IGFBPL1: variants seen among roughly 807,000 people sequenced by gnomAD.
IGFBPL1 encodes the protein insulin-like growth factor-binding protein-like 1.
A neutral mutation model predicts 23.9 loss-of-function variants in IGFBPL1; 20 were observed. The ratio of observed to expected loss-of-function variants is 0.84; its 90% CI spans 0.59 to 1.22. IGFBPL1 has a LOEUF of 1.22. Ranked by LOEUF, IGFBPL1 falls within the 50% of genes most tolerant of loss-of-function variation. The probability of loss-of-function intolerance (pLI) is 0.00; values close to 1 mark genes in which losing one functional copy is unlikely to be tolerated. For missense variants in IGFBPL1, 436 were observed against 379.3 expected (o/e 1.15, Z -1.24); for synonymous variants, 184 against 171.8 (o/e 1.07, Z -0.56).
intron 1 of IGFBPL1, among the ~76,000 whole-genome samples, chr9:38,423,081 G>A (rs1030790701): frequency 6.6e-6 from 1 of 152,258 alleles, no homozygotes; most frequent in East Asian, 1.9e-4. Context: ...AGTACACAGC[G>A]GCACTTCAAA....
At chr9:38,414,400 T>C (rs1038427387) in intron 1 of IGFBPL1, among the ~76,000 whole-genome samples, 197 bp from the exon 2 acceptor site, 2 of 152,156 alleles carry the variant, frequency 1.3e-5, no homozygotes. Flanking sequence ...GATCCAATGA[T>C]TGTTTTACCA....
At chr9:38,413,130 A>C (rs558392990) in intron 3 of IGFBPL1, 107 bp downstream of exon 3, 21 of 763,522 alleles carry the variant, frequency 2.8e-5, no homozygotes, top group Non-Finnish European at 4.7e-5. Flanking sequence ...TGGAGGGGCC[A>C]GTGAGAAATG....
chr9:38,423,244 G>A (rs984839436), intron 1 of IGFBPL1, among the ~76,000 whole-genome samples: 1 of 152,160 alleles, frequency 6.6e-6, no homozygotes, highest in African/African-American at 2.4e-5. Context: ...TGAAGCTTAA[G>A]TTTCTAAGTC....
At chr9:38,409,940 C>A (rs561384876) in intron 4 of IGFBPL1, among the ~76,000 whole-genome samples, 20 of 152,262 alleles carry the variant, frequency 1.3e-4, no homozygotes, top group Admixed American at 6.5e-4. Flanking sequence ...TTACATCGCA[C>A]TCCTTGTATT....
rs1821726268 is a variant in IGFBPL1, at chr9:38,424,187, G to C, written c.238C>G (p.Arg80Gly). 4 of 1,164,158 alleles carry C rather than the reference G, an allele frequency of 3.4e-6. No individual in the cohort carries two copies. The South Asian group carries it at 1.7e-4, about 49-fold the overall frequency. The allele number at this position is 1,164,158 out of a possible 1,614,324, so 72.1% of individuals were successfully genotyped here. The change falls in exon 1 of 5, where the codon CGC (arginine) becomes GGC (glycine). Residue 80 changes from arginine (R) to glycine (G), a missense_variant. Arg to Gly is a moderately radical substitution (Grantham distance 125, BLOSUM62 -2). Transcript: ENST00000377694. ...LGAEGASCGG[R>G]AGGRCGPGLV... Reference sequence around the variant, plus strand: ...CCGGGGCCACAGCGCCCGCCGGCGCGGCCCCCGCAGCTCGCGCCCTCGGCT... The same window carrying C: ...CCGGGGCCACAGCGCCCGCCGGCGCCGCCCCCGCAGCTCGCGCCCTCGGCT...
At chr9:38,412,753 G>T (rs1284702655) in intron 3 of IGFBPL1, among the ~76,000 whole-genome samples, 1 of 152,180 alleles carries the variant, frequency 6.6e-6, no homozygotes, top group Non-Finnish European at 1.5e-5. Context: ...GTTCCTAGTG[G>T]ATGCTGGCAC....
chr9:38,422,135 C>T (rs73646185), intron 1 of IGFBPL1, among the ~76,000 whole-genome samples: 4 of 152,330 alleles, frequency 2.6e-5, no homozygotes, highest in African/African-American at 9.6e-5. Context: ...ATCTGCCTGA[C>T]TTAATACTAT....
At chr9:38,417,795 C>T (rs1353941682) in intron 1 of IGFBPL1, among the ~76,000 whole-genome samples, 5 of 152,160 alleles carry the variant, frequency 3.3e-5, no homozygotes, top group African/African-American at 9.7e-5. Flanking sequence ...AGGGACTTGG[C>T]GCCCAGGGTT....
At chr9:38,418,446 G>A (rs1289925790) in intron 1 of IGFBPL1, among the ~76,000 whole-genome samples, 2 of 152,204 alleles carry the variant, frequency 1.3e-5, no homozygotes, top group East Asian at 3.8e-4. Context: ...GAGGACTCAG[G>A]CAGGGTGTGC....
rs141470811 is a variant in IGFBPL1 at position 38,417,612 on chromosome 9, G to A, written c.461-3409C>T. On this transcript the variant is annotated intron_variant, in intron 1 of 4. Transcript: ENST00000377694. ...CTAGGAGGACTAGGAGGACTCACAG[G>A]ACTCAGCATTTAGTGGTACTCAGGC... 8.0e-3 allele frequency among the ~76,000 whole-genome samples: 1,219 copies of A among 152,266 alleles called. 20 individuals are homozygous for A. Among genetic ancestry groups the A allele is most frequent in the African/African-American group, 0.028 (1,169 of 41,528 alleles).
intron 1 of IGFBPL1, among the ~76,000 whole-genome samples, chr9:38,419,738 A>G (rs927791075): frequency 1.3e-5 from 2 of 152,200 alleles, no homozygotes; most frequent in South Asian, 4.1e-4. Flanking sequence ...TCATAATACT[A>G]AGGCCATACC....
chr9:38,419,896 T>TTCC (rs1491491896), intron 1 of IGFBPL1, among the ~76,000 whole-genome samples: 1 of 151,162 alleles, frequency 6.6e-6, no homozygotes, highest in Non-Finnish European at 1.5e-5. Context: ...CTCCTCCTTC[T>TTCC]TCTTCTTCTT....
chr9:38,411,343 A>G (rs568225250), intron 4 of IGFBPL1, 48 bp downstream of exon 4: 15 of 1,505,494 alleles, frequency 1.0e-5, no homozygotes, highest in Non-Finnish European at 1.3e-5. Flanking sequence ...CACCTCAAAT[A>G]TCTCATAACA....
At chr9:38,419,967 G>C (rs933666646) in intron 1 of IGFBPL1, among the ~76,000 whole-genome samples, 11 of 151,566 alleles carry the variant, frequency 7.3e-5, no homozygotes, top group Non-Finnish European at 2.9e-5. Context: ...ATAGCTCACT[G>C]TAGCCTCGAA....
chr9:38,424,016 G>T lies in IGFBPL1; in HGVS notation c.409C>A (p.Arg137Ser). ...ALRLRARHTP[R>S]AHPGHLHKAR... is the part of the protein sequence containing the mutation. Reference sequence around the variant, plus strand: ...TTGTGCAGGTGACCGGGGTGCGCGCGGGGCGTGTGCCGAGCGCGCAGGCGC... The same window carrying T: ...TTGTGCAGGTGACCGGGGTGCGCGCTGGGCGTGTGCCGAGCGCGCAGGCGC... Residue 137 changes from arginine (R) to serine (S), a missense_variant, in exon 1 of 5, where the codon CGC becomes AGC. Transcript: ENST00000377694. The T allele has an allele frequency of 1.4e-6, 2 of 1,409,342 alleles. No individual in the cohort carries two copies. Among genetic ancestry groups the T allele is most frequent in the East Asian group, 6.0e-5 (2 of 33,098 alleles). 87.3% of individuals were successfully genotyped at this position (1,409,342 alleles called of 1,614,324 possible).
At chr9:38,419,907 T>C (rs1193335627) in intron 1 of IGFBPL1, among the ~76,000 whole-genome samples, 2 of 123,572 alleles carry the variant, frequency 1.6e-5, no homozygotes, top group East Asian at 2.3e-4. Flanking sequence ...TCTTCTTCTT[T>C]TTAGACAGGG....
chr9:38,413,849 T>A (rs1245234801), intron 2 of IGFBPL1, among the ~76,000 whole-genome samples: 1 of 151,998 alleles, frequency 6.6e-6, no homozygotes. Context: ...AGGGTGTAAG[T>A]GGCACAGGAA....
At chr9:38,410,700 G>A (rs1328913141) in intron 4 of IGFBPL1, among the ~76,000 whole-genome samples, 7 of 152,320 alleles carry the variant, frequency 4.6e-5, no homozygotes, top group South Asian at 4.1e-4. Flanking sequence ...AGTGATCAAC[G>A]TCTGTGGCTG....
At chr9:38,423,899 C>T in intron 1 of IGFBPL1, 66 bp downstream of exon 1, 1 of 1,281,124 alleles carries the variant, frequency 7.8e-7, no homozygotes, top group Non-Finnish European at 9.9e-7. Flanking sequence ...GGGGATCCTT[C>T]GCTCCACACC....
Sources: allele counts gnomAD v4.1 joint callset (sites outside exome capture counted in the v4.1 genomes callset), GRCh38; gene constraint gnomAD v4.1.1; transcripts MANE v1.5; gene names NCBI Gene and HGNC (gene_info 2026-07-23, HGNC 2026-07-21).